The following RGS5 variants were observed in gnomAD, a reference collection of about 807,000 sequenced individuals.
RGS5 encodes the protein regulator of G-protein signalling 5.
Under a neutral mutation model 18.9 loss-of-function variants are expected in RGS5, and 20 were observed. The observed-to-expected ratio is 1.06, with a 90% CI of 0.74 to 1.54. The LOEUF (loss-of-function observed/expected upper bound fraction) is 1.54. RGS5 is among the 40% of genes most tolerant of loss of function. RGS5 has a pLI of 0.00. For synonymous variants in RGS5, 57 were observed against 76.2 expected, an observed-to-expected ratio of 0.75 and a Z score of 1.31; for missense variants, 201 against 211.8, an observed-to-expected ratio of 0.95 and a Z score of 0.32.
intron 1 of RGS5, among the ~76,000 whole-genome samples, chr1:163,201,850 T>G (rs1553695): frequency 0.12 from 18,196 of 152,206 alleles, 1,090 homozygotes; most frequent in South Asian, 0.21. Flanking sequence ...TGCAAGGATC[T>G]TCTTTATTTA....
At chr1:163,270,401 T>C (rs996055411) in intron 2 of RGS5, among the ~76,000 whole-genome samples, 2 of 142,252 alleles carry the variant, frequency 1.4e-5, no homozygotes, top group Non-Finnish European at 3.0e-5. Context: ...ACATCTATAA[T>C]CCCAGTTACT....
chr1:163,229,617 G>A (rs982025878), intron 2 of RGS5, among the ~76,000 whole-genome samples: 2 of 152,158 alleles, frequency 1.3e-5, no homozygotes, highest in African/African-American at 4.8e-5. Context: ...CACCACATTG[G>A]TTTCTTTGCT....
chr1:163,318,272 C>T (rs1650080556), intron 1 of RGS5, among the ~76,000 whole-genome samples: 1 of 152,090 alleles, frequency 6.6e-6, no homozygotes, highest in South Asian at 2.1e-4. Context: ...AAGACCCTAG[C>T]ACACCAGGCC....
intron 1 of RGS5, among the ~76,000 whole-genome samples, chr1:163,168,596 T>A (rs961313130): frequency 6.6e-6 from 1 of 152,220 alleles, no homozygotes; most frequent in Admixed American, 6.5e-5. Context: ...TACATTTTAA[T>A]CCTCATTATT....
intron 1 of RGS5, among the ~76,000 whole-genome samples, chr1:163,191,158 A>G (rs559447589): frequency 3.9e-5 from 6 of 152,206 alleles, no homozygotes; most frequent in African/African-American, 1.2e-4. Context: ...TTTGTCAGCA[A>G]AAGAGACAGA....
chr1:163,309,492 G>A (rs961251520), intron 1 of RGS5, among the ~76,000 whole-genome samples: 10 of 95,912 alleles, frequency 1.0e-4, no homozygotes, highest in Non-Finnish European at 2.0e-4. Context: ...TTCCATCTAA[G>A]GAAACCTTTT....
chr1:163,295,473 C>T lies in RGS5; in HGVS notation c.-281+10760G>A, dbSNP rs72695967. Among the ~76,000 whole-genome samples the T allele has an allele frequency of 2.9e-3, 448 of 152,220 alleles. 2 individuals carry two copies. The highest frequency in any genetic ancestry group is 4.0e-3 in the Non-Finnish European group (274 of 68,014). Reference sequence around the variant, plus strand: ...GTGAAACTTCTTGGGAAAGTTTATACCCTTAAAATAATTATTTGATGCTAT... The same window carrying T: ...GTGAAACTTCTTGGGAAAGTTTATATCCTTAAAATAATTATTTGATGCTAT... On this transcript the variant is annotated intron_variant, in intron 2 of 5. Coordinates refer to the RGS5 transcript ENST00000618415.
At chr1:163,205,850 T>A (rs1659942540), upstream of RGS5, among the ~76,000 whole-genome samples, 1 of 152,230 alleles carries the variant, frequency 6.6e-6, no homozygotes, top group South Asian at 2.1e-4. Flanking sequence ...TTTTAACTAT[T>A]ATTAGCAATA....
chr1:163,244,950 G>A (rs533971634), intron 2 of RGS5: 4 of 152,262 alleles, frequency 2.6e-5, no homozygotes, highest in African/African-American at 9.6e-5. Context: ...TATGCCATAA[G>A]GGCTCATAGA....
chr1:163,292,573 A>C (rs983585702), intron 2 of RGS5, among the ~76,000 whole-genome samples: 1 of 152,210 alleles, frequency 6.6e-6, no homozygotes, highest in African/African-American at 2.4e-5. Flanking sequence ...TTATGCCTCT[A>C]GGTCTTTAAG....
intron 2 of RGS5, among the ~76,000 whole-genome samples, chr1:163,227,583 C>A (rs1274171330): frequency 1.3e-5 from 2 of 151,572 alleles, no homozygotes; most frequent in Admixed American, 6.6e-5. Context: ...TCATTCCACC[C>A]CCACCCCTCC....
At chr1:163,285,088 T>A (rs7417135) in intron 2 of RGS5, among the ~76,000 whole-genome samples, 1 of 151,888 alleles carries the variant, frequency 6.6e-6, no homozygotes, top group Non-Finnish European at 1.5e-5. Flanking sequence ...CAGTATGGGG[T>A]AAACTGCCCT....
Position 163,222,968 on chromosome 1 carries a change from C to T in RGS5, c.-280-54600G>A, listed in dbSNP as rs1647262646. On this transcript the variant is annotated intron_variant, in intron 2 of 5. Coordinates refer to the RGS5 transcript ENST00000618415. ...TCCACCTCCCAGGTGCCTCAGCCTC[C>T]CAAGTAGCTGTGATTACAGACGTGC... Among the ~76,000 whole-genome samples the T allele has an allele frequency of 3.3e-5, 5 of 152,178 alleles. No individual in the cohort carries two copies. In the South Asian group the frequency reaches 8.3e-4, roughly 25 times the overall value.
chr1:163,150,490 G>T (rs1160200905), intron 4 of RGS5, among the ~76,000 whole-genome samples: 1 of 152,132 alleles, frequency 6.6e-6, no homozygotes, highest in Non-Finnish European at 1.5e-5. Flanking sequence ...CCAATTTAAT[G>T]TTAAATTAAT....
intron 2 of RGS5, among the ~76,000 whole-genome samples, chr1:163,232,172 C>G (rs1382438042): frequency 1.3e-5 from 2 of 152,084 alleles, no homozygotes; most frequent in Non-Finnish European, 2.9e-5. Flanking sequence ...AGATATAGCA[C>G]TCTAATTCTT....
chr1:163,265,013 TA>T (rs1648541109), intron 2 of RGS5, among the ~76,000 whole-genome samples: 1 of 152,120 alleles, frequency 6.6e-6, no homozygotes, highest in Middle Eastern at 3.2e-3. Context: ...TGCAAAAGCA[TA>T]TTACATACTT....
chr1:163,229,759 G>A (rs182547997), intron 2 of RGS5, among the ~76,000 whole-genome samples: 3 of 152,176 alleles, frequency 2.0e-5, no homozygotes, highest in Non-Finnish European at 4.4e-5. Context: ...TTTTCCTATG[G>A]TTCTAATTAA....
chr1:163,310,005 T>C (rs1338088609), intron 1 of RGS5, among the ~76,000 whole-genome samples: 2 of 152,230 alleles, frequency 1.3e-5, no homozygotes, highest in Non-Finnish European at 2.9e-5. Context: ...AGCAGTAATA[T>C]GAAATAAATC....
chr1:163,208,014 CAT>C (rs1191840471), intron 1 of RGS5, among the ~76,000 whole-genome samples: 1 of 151,984 alleles, frequency 6.6e-6, no homozygotes, highest in African/African-American at 2.4e-5. Flanking sequence ...TGAGACCAAA[CAT>C]ATAAGTTATA....
Sources: allele counts gnomAD v4.1 joint callset (sites outside exome capture counted in the v4.1 genomes callset), GRCh38; gene constraint gnomAD v4.1.1; transcripts MANE v1.5; gene names NCBI Gene and HGNC (gene_info 2026-07-23, HGNC 2026-07-21).